The following PIWIL2 variants were observed in gnomAD, a reference collection of about 807,000 sequenced individuals.
The protein encoded by PIWIL2 is piwi-like protein 2.
PIWIL2 carries 81 observed loss-of-function variants against 116.5 expected under a neutral mutation model. The ratio of observed to expected loss-of-function variants is 0.70; its 90% CI spans 0.58 to 0.84. The LOEUF (loss-of-function observed/expected upper bound fraction) is 0.84, where lower values mean the gene tolerates loss of function less well. PIWIL2 is among the 40% of genes least tolerant of loss of function. PIWIL2 has a pLI of 0.00. For synonymous variants in PIWIL2, 489 were observed against 429.5 expected (o/e 1.14, Z -1.71); for missense variants, 1,272 against 1,212.3 (o/e 1.05, Z -0.73).
chr8:22,302,762 C>T (rs1831082243), intron 10 of PIWIL2, among the ~76,000 whole-genome samples: 1 of 152,050 alleles, frequency 6.6e-6, no homozygotes, highest in Non-Finnish European at 1.5e-5. Context: ...TGTAGTTCTC[C>T]CATCTTTTTT....
At chr8:22,307,042 G>A (rs1022941848) in intron 13 of PIWIL2, among the ~76,000 whole-genome samples, 2 of 152,102 alleles carry the variant, frequency 1.3e-5, no homozygotes, top group African/African-American at 4.8e-5. Flanking sequence ...CAAGTTCTGG[G>A]CAAAAAAGTG....
At chr8:22,278,494 T>C (rs554597070) in intron 1 of PIWIL2, among the ~76,000 whole-genome samples, 1 of 152,188 alleles carries the variant, frequency 6.6e-6, no homozygotes, top group South Asian at 2.1e-4. Context: ...CACTCCAGCC[T>C]GGGCGACAGA....
intron 20 of PIWIL2, among the ~76,000 whole-genome samples, chr8:22,322,281 T>C (rs1440462693): frequency 6.6e-6 from 1 of 151,940 alleles, no homozygotes; most frequent in Non-Finnish European, 1.5e-5. Context: ...GAGACAGGGT[T>C]GCTCTGTTGC....
At chr8:22,289,980 C>A in intron 9 of PIWIL2, 53 bp downstream of exon 9, 1 of 1,137,812 alleles carries the variant, frequency 8.8e-7, no homozygotes, top group Non-Finnish European at 1.3e-6. Context: ...AAGAAAGTTT[C>A]CATTACAACC....
chr8:22,346,525 A>G (rs1435820988), intron 20 of PIWIL2, among the ~76,000 whole-genome samples: 2 of 152,142 alleles, frequency 1.3e-5, no homozygotes, highest in Non-Finnish European at 2.9e-5. Context: ...TTCATGGTTC[A>G]CCACCTGAAG....
intron 10 of PIWIL2, among the ~76,000 whole-genome samples, chr8:22,295,592 G>A (rs1272195391): frequency 2.0e-5 from 3 of 152,084 alleles, no homozygotes; most frequent in African/African-American, 7.2e-5. Flanking sequence ...CAGTGTAGCT[G>A]CTCAGCCCCG....
intron 20 of PIWIL2, among the ~76,000 whole-genome samples, chr8:22,341,940 G>A (rs574173726): frequency 6.7e-6 from 1 of 149,696 alleles, no homozygotes; most frequent in Non-Finnish European, 1.5e-5. Flanking sequence ...GAATTGCAAG[G>A]TTGTAGGATA....
chr8:22,342,777 G>A (rs1215464135), intron 20 of PIWIL2, among the ~76,000 whole-genome samples: 7 of 151,932 alleles, frequency 4.6e-5, no homozygotes, highest in African/African-American at 9.7e-5. Context: ...AAAATTCATC[G>A]AATTTAAAAA....
chr8:22,340,525 G>A (rs535836232), intron 20 of PIWIL2, among the ~76,000 whole-genome samples: 1 of 152,180 alleles, frequency 6.6e-6, no homozygotes, highest in South Asian at 2.1e-4. Flanking sequence ...AGCCAATGAT[G>A]GGTATTACCT....
chr8:22,356,071 C>CAAAAAAAAAAAAAAAAAAA lies in PIWIL2; in HGVS notation c.*583_*584insAAAAAAAAAAAAAAAAAAA, dbSNP rs10710520. ...CTGTTGACAAAGCAAGACTCTGTCTCAAAAAAAAAAAAAAAAAGCCAACAT... is the reference window on the plus strand; with the variant it reads ...CTGTTGACAAAGCAAGACTCTGTCTCAAAAAAAAAAAAAAAAAAAAAAAAAAAAAAAAAAAAGCCAACAT... On this transcript the variant is annotated 3_prime_UTR_variant, in exon 23 of 23. Coordinates refer to ENST00000356766, the MANE Select transcript of PIWIL2 (RefSeq NM_018068.5). 1.2e-5 allele frequency: 1 copy of CAAAAAAAAAAAAAAAAAAA among 84,398 alleles called. No individual in the cohort carries two copies. The highest frequency in any genetic ancestry group is 2.5e-5 in the Non-Finnish European group (1 of 40,558). 5.2% of individuals were successfully genotyped at this position (84,398 alleles called of 1,614,324 possible).
chr8:22,308,319 C>T (rs1326963460), intron 14 of PIWIL2, among the ~76,000 whole-genome samples: 1 of 150,834 alleles, frequency 6.6e-6, no homozygotes, highest in African/African-American at 2.4e-5. Context: ...GGTTTTCTAT[C>T]CTTTTACATT....
rs562248780 is a variant in PIWIL2, at chr8:22,308,029, G to A, written c.1642G>A (p.Glu548Lys). 4 of 1,614,000 alleles carry A rather than the reference G, an allele frequency of 2.5e-6. No individual in the cohort carries two copies. In the South Asian group the frequency reaches 3.3e-5, roughly 13 times the overall value. Residue 548 changes from glutamate (E) to lysine (K), a missense_variant, in exon 14 of 23, where the codon GAA becomes AAA. Coordinates refer to ENST00000356766, the MANE Select transcript of PIWIL2 (RefSeq NM_018068.5). ...TGCAAAGAACGAGGCAGCCACCAAT[G>A]AACTGATGCGTTGGGGGCTCCGTCT... Reference protein sequence around the residue: ...RIAKNEAATNELMRWGLRLQK... With the variant: ...RIAKNEAATNKLMRWGLRLQK...
intron 16 of PIWIL2, among the ~76,000 whole-genome samples, chr8:22,311,794 A>C (rs1389523272): frequency 3.9e-5 from 6 of 152,114 alleles, no homozygotes; most frequent in African/African-American, 7.2e-5. Flanking sequence ...TTCAGTTCTT[A>C]CCTGTTTGTA....
intron 20 of PIWIL2, among the ~76,000 whole-genome samples, chr8:22,333,807 G>A (rs1831917096): frequency 6.6e-6 from 1 of 151,900 alleles, no homozygotes; most frequent in Non-Finnish European, 1.5e-5. Context: ...ATTGACTATG[G>A]TGGTGGTTAC....
chr8:22,299,538 C>A (rs765193038), intron 10 of PIWIL2, among the ~76,000 whole-genome samples: 11 of 152,008 alleles, frequency 7.2e-5, no homozygotes, highest in Non-Finnish European at 1.5e-4. Context: ...ATTTGAAATA[C>A]CACCTTATTC....
intron 20 of PIWIL2, among the ~76,000 whole-genome samples, chr8:22,319,417 CT>C (rs902233431): frequency 2.6e-5 from 4 of 152,186 alleles, no homozygotes; most frequent in African/African-American, 7.2e-5. Flanking sequence ...GAAGTTTGAT[CT>C]GTCTTCTAAT....
intron 20 of PIWIL2, among the ~76,000 whole-genome samples, chr8:22,343,657 G>A (rs1357704321): frequency 6.6e-6 from 1 of 152,216 alleles, no homozygotes; most frequent in South Asian, 2.1e-4. Flanking sequence ...AATATCACTT[G>A]CCCTTAGGGA....
intron 5 of PIWIL2, among the ~76,000 whole-genome samples, chr8:22,283,824 T>C (rs1307565584): frequency 6.6e-6 from 1 of 152,256 alleles, no homozygotes; most frequent in Non-Finnish European, 1.5e-5. Context: ...CCTTGTCATG[T>C]TGAAGATAAG....
intron 10 of PIWIL2, among the ~76,000 whole-genome samples, chr8:22,291,630 C>G (rs1346594699): frequency 6.6e-6 from 1 of 151,764 alleles, no homozygotes; most frequent in Non-Finnish European, 1.5e-5. Context: ...GACAAATTAC[C>G]CTGTAGAAGA....
Sources: gnomAD v4.1 joint callset for allele counts (sites outside exome capture counted in the v4.1 genomes callset) on GRCh38, gnomAD v4.1.1 for gene constraint, MANE v1.5 for transcripts, NCBI Gene and HGNC (gene_info 2026-07-23, HGNC 2026-07-21) for gene names.